The following MCHR2 variants were observed in gnomAD, a reference collection of about 807,000 sequenced individuals.
MCHR2 encodes the protein melanin-concentrating hormone receptor 2.
In MCHR2, 15 loss-of-function variants were observed where a neutral mutation model predicts 24.8. That is an observed-to-expected ratio of 0.60 (90% CI 0.40 to 0.93). MCHR2 has a LOEUF of 0.93. Ranked by LOEUF, MCHR2 falls within the 40% of genes least tolerant of loss-of-function variation. The pLI is 0.00. For synonymous variants in MCHR2, 151 were observed against 147.6 expected (o/e 1.02, Z -0.17); for missense variants, 386 against 408.7 (o/e 0.94, Z 0.48).
intron 1 of MCHR2, among the ~76,000 whole-genome samples, chr6:99,969,473 C>CAAAAAA (rs1214316677): frequency 1.1e-3 from 82 of 75,040 alleles, no homozygotes; most frequent in Admixed American, 1.7e-3. Context: ...GACTCCATCT[C>CAAAAAA]AAAAAAAAAA....
intron 1 of MCHR2, among the ~76,000 whole-genome samples, chr6:99,977,363 G>A (rs192531287): frequency 4.0e-4 from 61 of 152,220 alleles, no homozygotes; most frequent in African/African-American, 1.5e-3. Context: ...CACTAGAGAA[G>A]TTTTCACACA....
chr6:99,939,077 A>G (rs1774723606), intron 4 of MCHR2, among the ~76,000 whole-genome samples: 2 of 151,936 alleles, frequency 1.3e-5, no homozygotes, highest in Admixed American at 6.6e-5. Flanking sequence ...GTGTGTCTTT[A>G]TAGGTGAAGT....
At chr6:99,983,883 A>G (rs776004637) in intron 1 of MCHR2, among the ~76,000 whole-genome samples, 3 of 152,158 alleles carry the variant, frequency 2.0e-5, no homozygotes, top group African/African-American at 7.2e-5. Context: ...ATTTTTCTAT[A>G]TTAGAGATAG....
At chr6:99,941,027 C>G (rs1479975512) in intron 4 of MCHR2, among the ~76,000 whole-genome samples, 1 of 152,104 alleles carries the variant, frequency 6.6e-6, no homozygotes, top group African/African-American at 2.4e-5. Context: ...CCTTCCAGAA[C>G]TTATGATACT....
At position 99,942,935 on chromosome 6, in the gene MCHR2, T is replaced by C; in HGVS notation, c.587+14A>G. On this transcript the variant is annotated intron_variant, in intron 4 of 5. Transcript: ENST00000281806. ...CTTAATTCAACTCGTTTTTCTTAAGTTTTCACAACTTACCAGAGTACATCG... is the reference window on the plus strand; with the variant it reads ...CTTAATTCAACTCGTTTTTCTTAAGCTTTCACAACTTACCAGAGTACATCG... The C allele has an allele frequency of 1.3e-6, 2 of 1,580,012 alleles. No individual in the cohort carries two copies. The highest frequency in any genetic ancestry group is 1.7e-6 in the Non-Finnish European group (2 of 1,161,100).
At chr6:99,960,853 A>T (rs181337339) in intron 1 of MCHR2, among the ~76,000 whole-genome samples, 2 of 152,236 alleles carry the variant, frequency 1.3e-5, no homozygotes, top group African/African-American at 4.8e-5. Flanking sequence ...AGACAGAAAC[A>T]TAAGACCTAA....
At chr6:99,923,847 G>A (rs1774294944) in intron 5 of MCHR2, among the ~76,000 whole-genome samples, 1 of 152,034 alleles carries the variant, frequency 6.6e-6, no homozygotes, top group Non-Finnish European at 1.5e-5. Context: ...ATTTTTGCAT[G>A]AATATTCATC....
intron 2 of MCHR2, among the ~76,000 whole-genome samples, chr6:99,951,509 T>C (rs1774965006): frequency 6.6e-6 from 1 of 152,154 alleles, no homozygotes; most frequent in Non-Finnish European, 1.5e-5. Context: ...ATGCCCTCGC[T>C]CATTGTGTCC....
chr6:99,934,454 A>G lies in MCHR2; in HGVS notation c.651T>C (p.Tyr217=). Residue 217 remains tyrosine, a synonymous_variant, in exon 5 of 6, where the codon TAT becomes TAC. Coordinates refer to ENST00000281806, the MANE Select transcript of MCHR2 (RefSeq NM_001040179.2). ...CCCAAGTATAGCATAAAATTAAAATATAGCACACCAAAATCAAGGGTAGAG... is the reference window on the plus strand; with the variant it reads ...CCCAAGTATAGCATAAAATTAAAATGTAGCACACCAAAATCAAGGGTAGAG... ...FFPLPLILVC[Y]ILILCYTWEM... is the part of the protein sequence containing the mutation. The G allele has an allele frequency of 6.2e-7, 1 of 1,607,234 alleles. No homozygotes were observed.
intron 1 of MCHR2, among the ~76,000 whole-genome samples, chr6:99,966,372 A>G (rs1383268355): frequency 6.6e-6 from 1 of 152,206 alleles, no homozygotes; most frequent in African/African-American, 2.4e-5. Context: ...CATCATAAAT[A>G]TAATTTTGTG....
intron 1 of MCHR2, among the ~76,000 whole-genome samples, chr6:99,967,514 A>G (rs1412466835): frequency 6.6e-6 from 1 of 152,206 alleles, no homozygotes. Context: ...CCCTAAAATA[A>G]TTATCTTCAA....
intron 4 of MCHR2, among the ~76,000 whole-genome samples, chr6:99,938,425 A>G (rs566172469): frequency 1.3e-5 from 2 of 152,052 alleles, no homozygotes. Context: ...AAAATGTTTA[A>G]ATTTCTTTCT....
At chr6:99,968,090 A>T (rs1775327590) in intron 1 of MCHR2, among the ~76,000 whole-genome samples, 1 of 152,206 alleles carries the variant, frequency 6.6e-6, no homozygotes, top group South Asian at 2.1e-4. Context: ...GTAAGTATTC[A>T]ATTAATATCA....
At chr6:99,947,207 T>C (rs764225054) in intron 3 of MCHR2, among the ~76,000 whole-genome samples, 6 of 152,178 alleles carry the variant, frequency 3.9e-5, no homozygotes, top group South Asian at 2.1e-4. Flanking sequence ...ATAATGTTTG[T>C]AAAAGATGAT....
At chr6:99,979,512 AT>A (rs1775623902) in intron 1 of MCHR2, among the ~76,000 whole-genome samples, 1 of 152,230 alleles carries the variant, frequency 6.6e-6, no homozygotes, top group Non-Finnish European at 1.5e-5. Context: ...AAGACTAAGT[AT>A]AAAAAATGTA....
intron 2 of MCHR2, among the ~76,000 whole-genome samples, chr6:99,951,524 G>C (rs912866170): frequency 6.6e-6 from 1 of 152,088 alleles, no homozygotes; most frequent in Non-Finnish European, 1.5e-5. Context: ...GTGTCCTTAG[G>C]CAAGCGATTC....
At chr6:99,970,269 G>A (rs896927159) in intron 1 of MCHR2, among the ~76,000 whole-genome samples, 1 of 152,046 alleles carries the variant, frequency 6.6e-6, no homozygotes, top group Non-Finnish European at 1.5e-5. Context: ...GTGTGAGATG[G>A]TATCTCATTG....
chr6:99,972,398 A>G (rs1166094207), intron 1 of MCHR2, among the ~76,000 whole-genome samples: 3 of 152,148 alleles, frequency 2.0e-5, no homozygotes. Flanking sequence ...CTGTGGGATC[A>G]GTGATGATAT....
At chr6:99,946,078 A>T (rs186619649) in intron 3 of MCHR2, among the ~76,000 whole-genome samples, 55 of 152,176 alleles carry the variant, frequency 3.6e-4, no homozygotes, top group African/African-American at 1.3e-3. Flanking sequence ...CAGTATATAA[A>T]GAAGCTCGTA....
Sources: allele counts gnomAD v4.1 joint callset (sites outside exome capture counted in the v4.1 genomes callset), GRCh38; gene constraint gnomAD v4.1.1; transcripts MANE v1.5; gene names NCBI Gene and HGNC (gene_info 2026-07-23, HGNC 2026-07-21).